Variants in DENND1B observed in about 807,000 individuals in gnomAD.
DENND1B encodes the protein DENN domain-containing protein 1B.
DENND1B carries 59 observed loss-of-function variants against 90.1 expected under a neutral mutation model. That is an observed-to-expected ratio of 0.65 (90% CI 0.53 to 0.81). The LOEUF (loss-of-function observed/expected upper bound fraction) is 0.81, where lower values mean the gene tolerates loss of function less well. Among genes scored for constraint, DENND1B ranks in the 40% least tolerant of loss-of-function variants. DENND1B has a pLI of 0.00. For missense variants in DENND1B, 862 were observed against 912.6 expected (o/e 0.94, Z 0.71); for synonymous variants, 337 against 324.6 (o/e 1.04, Z -0.41).
chr1:197,762,270 A>T (rs1440384578), intron 2 of DENND1B, among the ~76,000 whole-genome samples: 1 of 145,202 alleles, frequency 6.9e-6, no homozygotes, highest in Non-Finnish European at 1.5e-5. Flanking sequence ...ATTAGTCAGC[A>T]TTTTTTTTTT....
intron 20 of DENND1B, among the ~76,000 whole-genome samples, chr1:197,537,044 G>GAA (rs144198875): frequency 3.8e-4 from 52 of 135,206 alleles, no homozygotes; most frequent in Admixed American, 3.0e-4. Flanking sequence ...CCGTCTCAGA[G>GAA]AAAAAAAAAA....
At chr1:197,751,136 T>C (rs1223189542) in intron 2 of DENND1B, among the ~76,000 whole-genome samples, 1 of 152,150 alleles carries the variant, frequency 6.6e-6, no homozygotes, top group Admixed American at 6.5e-5. Context: ...GAATATATAT[T>C]CTATATAAGT....
At position 197,647,046 on chromosome 1, in the gene DENND1B, T is replaced by C. The variant is rs1680784464; in HGVS notation, c.507+9A>G. On this transcript the variant is annotated intron_variant, in intron 8 of 22. Coordinates refer to ENST00000620048, the MANE Select transcript of DENND1B (RefSeq NM_001195215.2). ...GTGATTTTTAGAAGCCAATGTCCTTTTAACTCACCGGTACTAGAGCAGGCT... is the reference window on the plus strand; with the variant it reads ...GTGATTTTTAGAAGCCAATGTCCTTCTAACTCACCGGTACTAGAGCAGGCT... 2 of 1,466,068 alleles carry C rather than the reference T, an allele frequency of 1.4e-6. No homozygotes were observed. The highest frequency in any genetic ancestry group is 1.8e-6 in the Non-Finnish European group (2 of 1,116,788). The allele number at this position is 1,466,068 out of a possible 1,614,324, so 90.8% of individuals were successfully genotyped here.
intron 15 of DENND1B, among the ~76,000 whole-genome samples, chr1:197,580,258 A>ATTTTTTTTTTTTTTTT (rs36028786): frequency 8.8e-6 from 1 of 113,186 alleles, no homozygotes; most frequent in African/African-American, 3.4e-5. Context: ...CGCCCAGCTA[A>ATTTTTTTTTTTTTTTT]TTTTTTTTTT....
chr1:197,745,661 A>T (rs1404162049), intron 2 of DENND1B, among the ~76,000 whole-genome samples: 1 of 147,822 alleles, frequency 6.8e-6, no homozygotes, highest in Non-Finnish European at 1.5e-5. Context: ...TAATAATGAA[A>T]ATTTTTAGAA....
chr1:197,729,524 T>C (rs1269458014), intron 2 of DENND1B, among the ~76,000 whole-genome samples: 2 of 152,266 alleles, frequency 1.3e-5, no homozygotes, highest in Non-Finnish European at 2.9e-5. Flanking sequence ...TTATTTTCAC[T>C]ACATATTTTC....
chr1:197,781,600 CAT>C, the DENND1B span, among the ~76,000 whole-genome samples: 17 of 152,142 alleles, frequency 1.1e-4, no homozygotes, highest in African/African-American at 3.9e-4. Context: ...CTCAACAAGA[CAT>C]GTGAAATACT....
chr1:197,766,242 C>T (rs1312022807), intron 2 of DENND1B, among the ~76,000 whole-genome samples: 1 of 152,152 alleles, frequency 6.6e-6, no homozygotes, highest in East Asian at 1.9e-4. Context: ...GTCACAGTTT[C>T]ATTTTCTTCA....
intron 15 of DENND1B, among the ~76,000 whole-genome samples, chr1:197,573,994 C>T (rs1276206958): frequency 6.6e-6 from 1 of 152,130 alleles, no homozygotes; most frequent in Non-Finnish European, 1.5e-5. Flanking sequence ...CAATATCGTA[C>T]TGAATGGGCA....
chr1:197,709,807 C>A (rs1225317558), intron 3 of DENND1B, among the ~76,000 whole-genome samples: 18 of 141,226 alleles, frequency 1.3e-4, no homozygotes, highest in Admixed American at 1.2e-3. Flanking sequence ...AGTCAACACC[C>A]ATCAGTGTGC....
intron 14 of DENND1B, among the ~76,000 whole-genome samples, chr1:197,586,415 TA>T (rs1234642322): frequency 5.3e-5 from 8 of 152,152 alleles, no homozygotes; most frequent in African/African-American, 1.9e-4. Flanking sequence ...TCTAATATGG[TA>T]AGTATTTATA....
chr1:197,576,253 T>C (rs549014092), intron 15 of DENND1B, among the ~76,000 whole-genome samples: 1 of 152,220 alleles, frequency 6.6e-6, no homozygotes, highest in African/African-American at 2.4e-5. Context: ...AATGTATGTG[T>C]GAAGGAACAT....
At chr1:197,720,027 GA>G (rs1457744373) in intron 2 of DENND1B, among the ~76,000 whole-genome samples, 1 of 152,098 alleles carries the variant, frequency 6.6e-6, no homozygotes, top group Non-Finnish European at 1.5e-5. Context: ...AGTAGGTTTT[GA>G]AAAATAGCAA....
intron 15 of DENND1B, among the ~76,000 whole-genome samples, chr1:197,558,826 A>G (rs1403727886): frequency 6.6e-6 from 1 of 151,986 alleles, no homozygotes; most frequent in Non-Finnish European, 1.5e-5. Context: ...TAAAGAAATT[A>G]TCTGTTGCTT....
intron 18 of DENND1B, chr1:197,545,586 C>T (rs567300644): frequency 9.1e-4 from 182 of 200,574 alleles, no homozygotes; most frequent in Non-Finnish European, 1.3e-3. Flanking sequence ...CTACTTGAGC[C>T]GCAAGTACAC....
chr1:197,529,493 G>A (rs567858551), intron 20 of DENND1B, among the ~76,000 whole-genome samples: 16 of 151,466 alleles, frequency 1.1e-4, no homozygotes, highest in African/African-American at 3.6e-4. Flanking sequence ...CTTGCTTAGG[G>A]CCATCCATCT....
intron 11 of DENND1B, among the ~76,000 whole-genome samples, chr1:197,613,177 C>A (rs1677329893): frequency 1.3e-5 from 2 of 150,650 alleles, no homozygotes; most frequent in African/African-American, 2.4e-5. Context: ...GTTCACTTTG[C>A]TACTGAGAAC....
At chr1:197,546,651 T>C in intron 17 of DENND1B, 82 bp downstream of exon 17, 1 of 1,100,812 alleles carries the variant, frequency 9.1e-7, no homozygotes, top group Non-Finnish European at 1.3e-6. Flanking sequence ...ATAAACAGCA[T>C]AAGTATAAAC....
rs761036558 is a variant in DENND1B, at chr1:197,583,273, T to C, written c.1048-20A>G. On this transcript the variant is annotated intron_variant, in intron 14 of 22. Transcript: ENST00000620048. ...CTCACCCTAGATAGAAATAAAGATT[T>C]TAAGGGCATCAATAAAAGGTTAGTC... is the stretch of plus-strand genomic sequence containing the variant. 6.2e-6 allele frequency: 10 copies of C among 1,609,786 alleles called. No individual in the cohort carries two copies. Among genetic ancestry groups the C allele is most frequent in the Non-Finnish European group, 6.8e-6 (8 of 1,176,516 alleles).
Sources: allele counts gnomAD v4.1 joint callset (sites outside exome capture counted in the v4.1 genomes callset), GRCh38; gene constraint gnomAD v4.1.1; transcripts MANE v1.5; gene names NCBI Gene and HGNC (gene_info 2026-07-23, HGNC 2026-07-21).